Variants in HDX observed in about 807,000 individuals in gnomAD.
The protein encoded by HDX is chromosome X open reading frame 43.
HDX carries 19 observed loss-of-function variants against 45.2 expected under a neutral mutation model. The ratio of observed to expected loss-of-function variants is 0.42; its 90% CI spans 0.29 to 0.62. HDX has a LOEUF of 0.62. Among genes scored for constraint, HDX ranks in the 20% least tolerant of loss-of-function variants. The pLI is 0.20. For synonymous variants in HDX, 188 were observed against 172.8 expected (o/e 1.09, Z -0.69); for missense variants, 532 against 493.9 (o/e 1.08, Z -0.73).
At chrX:84,419,927 A>C (rs2039210722) in intron 5 of HDX, among the ~76,000 whole-genome samples, 1 of 112,011 alleles carries the variant, frequency 8.9e-6, no homozygotes, top group African/African-American at 3.2e-5. Flanking sequence ...GGCAGTACCT[A>C]TACCAGTCTG....
At chrX:84,395,046 C>A (rs2038529144) in intron 5 of HDX, among the ~76,000 whole-genome samples, 3 of 110,899 alleles carry the variant, frequency 2.7e-5, no homozygotes, top group Admixed American at 1.9e-4. Context: ...GAATTGATTT[C>A]TGGTTGTTTT....
chrX:84,354,676 G>C (rs2037431998), intron 6 of HDX, among the ~76,000 whole-genome samples: 1 of 109,188 alleles, frequency 9.2e-6, no homozygotes, highest in African/African-American at 3.3e-5. Flanking sequence ...AGAATATTTA[G>C]CTGCAATCAT....
At chrX:84,479,062 A>T (rs777520157) in intron 2 of HDX, among the ~76,000 whole-genome samples, 45 of 111,782 alleles carry the variant, frequency 4.0e-4, no homozygotes, top group South Asian at 1.5e-3. Context: ...TGTACTTTTT[A>T]TCCATTATTA....
chrX:84,448,296 A>T (rs753803419), intron 4 of HDX, among the ~76,000 whole-genome samples: 6 of 111,188 alleles, frequency 5.4e-5, no homozygotes, highest in Non-Finnish European at 9.4e-5. Context: ...CCAAGGACTC[A>T]CCCACCCATC....
At chrX:84,477,744 T>C (rs2040585563) in intron 2 of HDX, among the ~76,000 whole-genome samples, 1 of 111,889 alleles carries the variant, frequency 8.9e-6, no homozygotes, top group Non-Finnish European at 1.9e-5. Context: ...TAATCAAAAA[T>C]AGAGTTTTTA....
chrX:84,467,013 A>G (rs1012253553), intron 4 of HDX, among the ~76,000 whole-genome samples: 1 of 111,423 alleles, frequency 9.0e-6, no homozygotes, highest in Admixed American at 9.5e-5. Flanking sequence ...GAAGTACAAA[A>G]GAGTAGGTGA....
intron 5 of HDX, among the ~76,000 whole-genome samples, chrX:84,426,158 A>G (rs901958629): frequency 1.8e-5 from 2 of 111,125 alleles, no homozygotes; most frequent in African/African-American, 6.5e-5. Flanking sequence ...AAAATGTCAA[A>G]CCATCACAAG....
At chrX:84,405,662 ATATG>A (rs1470780962) in intron 5 of HDX, among the ~76,000 whole-genome samples, 5 of 89,214 alleles carry the variant, frequency 5.6e-5, no homozygotes, top group South Asian at 1.1e-3. Context: ...ATATATATAT[ATATG>A]TGTGTGTGTG....
intron 3 of HDX, among the ~76,000 whole-genome samples, chrX:84,471,053 C>T (rs1411443660): frequency 4.5e-5 from 5 of 111,572 alleles, no homozygotes; most frequent in African/African-American, 1.6e-4. Flanking sequence ...AATGAACTAG[C>T]CTTGAACAAA....
intron 3 of HDX, among the ~76,000 whole-genome samples, chrX:84,470,342 A>G (rs1225994033): frequency 1.8e-5 from 2 of 111,593 alleles, no homozygotes; most frequent in African/African-American, 6.5e-5. Context: ...CTAGTCCAGG[A>G]GTTAATAAAA....
chrX:84,400,326 T>G (rs1245378210), intron 5 of HDX, among the ~76,000 whole-genome samples: 2 of 109,783 alleles, frequency 1.8e-5, no homozygotes, highest in African/African-American at 6.6e-5. Flanking sequence ...GCCTAAAAAC[T>G]TTTTAAGCTG....
intron 6 of HDX, among the ~76,000 whole-genome samples, chrX:84,351,696 A>G (rs944945255): frequency 3.6e-5 from 4 of 110,970 alleles, no homozygotes; most frequent in African/African-American, 6.6e-5. Context: ...AAACCCAGGA[A>G]ACTCACCATT....
chrX:84,426,306 T>C (rs5922994), intron 5 of HDX, among the ~76,000 whole-genome samples: 38,882 of 109,233 alleles, frequency 0.36, 5,492 homozygotes, highest in Admixed American at 0.51. Context: ...GATAATCCCA[T>C]TCCTAGTTAT....
At chrX:84,409,124 G>T (rs1208747892) in intron 5 of HDX, among the ~76,000 whole-genome samples, 2 of 110,798 alleles carry the variant, frequency 1.8e-5, no homozygotes, top group Non-Finnish European at 3.8e-5. Context: ...ATGAAAAAAT[G>T]CTCACCATCA....
chrX:84,340,217 A>C (rs1372952760), intron 7 of HDX, among the ~76,000 whole-genome samples: 4 of 111,144 alleles, frequency 3.6e-5, no homozygotes, highest in Non-Finnish European at 5.7e-5. Flanking sequence ...CTAAAAGACC[A>C]GCAGCACTTT....
chrX:84,377,327 C>A (rs186043882), intron 5 of HDX, among the ~76,000 whole-genome samples: 1 of 111,523 alleles, frequency 9.0e-6, no homozygotes, highest in Admixed American at 9.5e-5. Context: ...CCTAACTCTT[C>A]AATGTGCAGA....
chrX:84,404,667 A>C (rs1569320428), intron 5 of HDX, among the ~76,000 whole-genome samples: 1 of 111,493 alleles, frequency 9.0e-6, no homozygotes, highest in Non-Finnish European at 1.9e-5. Context: ...ACGAGTCAAA[A>C]GGAGAAAGCA....
chrX:84,334,357 C>T (rs2036909819), intron 8 of HDX, among the ~76,000 whole-genome samples: 1 of 110,683 alleles, frequency 9.0e-6, no homozygotes, highest in African/African-American at 3.3e-5. Context: ...TAAAAGCAGG[C>T]ATCTATGATG....
intron 2 of HDX, among the ~76,000 whole-genome samples, chrX:84,485,890 T>G (rs980992176): frequency 1.2e-4 from 14 of 112,300 alleles, no homozygotes; most frequent in African/African-American, 4.5e-4. Flanking sequence ...TTTTGATTGC[T>G]GTACCATAGT....
Sources: allele counts gnomAD v4.1 joint callset (sites outside exome capture counted in the v4.1 genomes callset), GRCh38; gene constraint gnomAD v4.1.1; transcripts MANE v1.5; gene names NCBI Gene and HGNC (gene_info 2026-07-23, HGNC 2026-07-21).